CD5: variants seen among roughly 807,000 people sequenced by gnomAD.
The protein encoded by CD5 is CD5 molecule.
CD5 carries 36 observed loss-of-function variants against 60.3 expected under a neutral mutation model. The observed-to-expected ratio is 0.60, with a 90% CI of 0.46 to 0.79. The LOEUF (loss-of-function observed/expected upper bound fraction) is 0.79, where lower values mean the gene tolerates loss of function less well. CD5 is among the 30% of genes least tolerant of loss of function. The pLI is 0.00. For missense variants in CD5, 540 were observed against 630.6 expected (o/e 0.86, Z 1.54); for synonymous variants, 230 against 257.6 (o/e 0.89, Z 1.03).
At chr11:61,117,622 AG>A (rs762421198) in intron 2 of CD5, among the ~76,000 whole-genome samples, 26 of 151,884 alleles carry the variant, frequency 1.7e-4, no homozygotes, top group Non-Finnish European at 1.8e-4. Flanking sequence ...CCGAGTAGCT[AG>A]GATTACAGGC....
At chr11:61,121,545 C>A in intron 5 of CD5, 66 bp from the exon 6 acceptor site, 1 of 1,353,766 alleles carries the variant, frequency 7.4e-7, no homozygotes, top group East Asian at 2.7e-5. Context: ...GCATGGGGCC[C>A]CAGGAAGCAG....
intron 6 of CD5, among the ~76,000 whole-genome samples, chr11:61,122,373 T>TGATGGATGGATG (rs6144363): frequency 8.6e-6 from 1 of 116,664 alleles, no homozygotes; most frequent in Non-Finnish European, 1.7e-5. Flanking sequence ...GGTGGATGGA[T>TGATGGATGGATG]GATGGATGGA....
intron 6 of CD5, 47 bp downstream of exon 6, chr11:61,121,951 C>A: frequency 1.4e-6 from 2 of 1,463,908 alleles, no homozygotes; most frequent in East Asian, 4.9e-5. Context: ...TACTACTTTA[C>A]CTCTAGGACC....
chr11:61,096,378 A>T, the CD5 span, among the ~76,000 whole-genome samples: 2 of 152,380 alleles, frequency 1.3e-5, no homozygotes, highest in Admixed American at 1.3e-4. Context: ...CAAGGTCAGG[A>T]TTACAACTGG....
chr11:61,116,938 A>T (rs1860976100), intron 2 of CD5, among the ~76,000 whole-genome samples: 1 of 151,726 alleles, frequency 6.6e-6, no homozygotes, highest in Non-Finnish European at 1.5e-5. Context: ...GGAGTTTGAT[A>T]AAATCACACA....
At chr11:61,095,160 A>T in the CD5 span, among the ~76,000 whole-genome samples, 4 of 152,224 alleles carry the variant, frequency 2.6e-5, no homozygotes, top group East Asian at 7.7e-4. Context: ...ATCAAGAGGA[A>T]GGGCTCCCCA....
chr11:61,103,994 CGT>C (rs1354098758), intron 1 of CD5, among the ~76,000 whole-genome samples: 1 of 88,668 alleles, frequency 1.1e-5, no homozygotes. Flanking sequence ...TGAGTCTGTG[CGT>C]GTGAGTCTGT....
chr11:61,104,848 C>T (rs189848273), intron 1 of CD5, among the ~76,000 whole-genome samples: 3 of 152,332 alleles, frequency 2.0e-5, no homozygotes, highest in East Asian at 1.9e-4. Context: ...GGTGCACAGC[C>T]GAGCTGACCC....
In CD5 at chr11:61,125,223, C is replaced by T; in HGVS notation, c.1399+72C>T. The T allele has an allele frequency of 4.5e-6, 7 of 1,565,618 alleles. 1 individual carries two copies. In the South Asian group the frequency reaches 6.8e-5, roughly 15 times the overall value. On this transcript the variant is annotated intron_variant, in intron 9 of 10. Coordinates refer to ENST00000347785, the MANE Select transcript of CD5 (RefSeq NM_014207.4). The stretch of plus-strand genomic sequence containing the variant: ...GGCCGCCAAGGCAGGTCACGTGATG[C>T]CCTTGAAGGTCGGGTGATGGCCCAA...
chr11:61,110,602 G>C (rs1860840783), intron 1 of CD5, among the ~76,000 whole-genome samples: 1 of 152,196 alleles, frequency 6.6e-6, no homozygotes, highest in African/African-American at 2.4e-5. Flanking sequence ...GGCCATCATG[G>C]GCTTCCTGCT....
the CD5 span, among the ~76,000 whole-genome samples, chr11:61,095,344 A>T: frequency 1.3e-5 from 2 of 152,226 alleles, no homozygotes; most frequent in Non-Finnish European, 2.9e-5. Context: ...GGGGTAGATG[A>T]GGACGGACAC....
At chr11:61,108,353 A>G (rs934999943) in intron 1 of CD5, among the ~76,000 whole-genome samples, 1 of 152,210 alleles carries the variant, frequency 6.6e-6, no homozygotes, top group African/African-American at 2.4e-5. Flanking sequence ...TGGGTGAGCC[A>G]GATTAGAGAC....
intron 1 of CD5, among the ~76,000 whole-genome samples, chr11:61,110,313 C>T (rs74896373): frequency 0.025 from 3,754 of 152,254 alleles, 157 homozygotes; most frequent in African/African-American, 0.085. Context: ...ATCTCACCGC[C>T]CTCCCTCCAC....
chr11:61,103,799 G>C (rs1860737885), intron 1 of CD5, among the ~76,000 whole-genome samples: 2 of 135,152 alleles, frequency 1.5e-5, no homozygotes, highest in Admixed American at 7.6e-5. Context: ...GGGAATGTGT[G>C]AGTCTGTGTG....
chr11:61,103,080 G>A (rs1479269464), intron 1 of CD5, among the ~76,000 whole-genome samples: 1 of 152,242 alleles, frequency 6.6e-6, no homozygotes, highest in Non-Finnish European at 1.5e-5. Flanking sequence ...AGTGGGCCGA[G>A]GCAGGGTGGA....
intron 6 of CD5, 42 bp downstream of exon 6, chr11:61,121,946 C>T: frequency 6.7e-7 from 1 of 1,483,898 alleles, no homozygotes; most frequent in Non-Finnish European, 9.1e-7. Context: ...GCAGTTACTA[C>T]TTTACCTCTA....
intron 9 of CD5, 149 bp from the exon 10 acceptor site, chr11:61,125,602 T>C: frequency 1.8e-6 from 1 of 554,648 alleles, no homozygotes; most frequent in Non-Finnish European, 3.2e-6. Context: ...TAGTGAACGT[T>C]TGGCTGATTT....
In CD5 at chr11:61,119,234, C is replaced by A; in HGVS notation, c.464C>A (p.Ala155Asp). 1.3e-6 allele frequency: 2 copies of A among 1,591,290 alleles called. No individual in the cohort carries two copies. The highest frequency in any genetic ancestry group is 8.6e-7 in the Non-Finnish European group (1 of 1,168,328). ...CCCCTCCTGCTCTCTCCTCTCCTAG[C>A]TCCTCCCAGGCTGCAGCTGGTGGCA... The part of the protein sequence containing the change: ...PPPTTTPEPT[A>D]PPRLQLVAQS... The change falls in exon 5 of 11, where the codon GCT becomes GAT. Residue 155 changes from alanine to aspartate, a missense_variant and splice_region_variant. Coordinates refer to ENST00000347785, the MANE Select transcript of CD5 (RefSeq NM_014207.4).
intron 1 of CD5, among the ~76,000 whole-genome samples, chr11:61,107,138 G>T (rs530228823): frequency 6.6e-6 from 1 of 152,152 alleles, no homozygotes; most frequent in African/African-American, 2.4e-5. Context: ...CCTTGGTGGG[G>T]TGTGAGGTAC....
Sources: gnomAD v4.1 joint callset for allele counts (sites outside exome capture counted in the v4.1 genomes callset) on GRCh38, gnomAD v4.1.1 for gene constraint, MANE v1.5 for transcripts, NCBI Gene and HGNC (gene_info 2026-07-23, HGNC 2026-07-21) for gene names.